Variants in CDH4 observed in about 807,000 individuals in gnomAD.
CDH4 encodes the protein cadherin 4.
CDH4 carries 33 observed loss-of-function variants against 86.0 expected under a neutral mutation model. That is an observed-to-expected ratio of 0.38 (90% CI 0.29 to 0.51). CDH4 has a LOEUF of 0.51. CDH4 is among the 20% of genes least tolerant of loss of function. The pLI is 0.86. For synonymous variants in CDH4, 555 were observed against 549.4 expected, an observed-to-expected ratio of 1.01 and a Z score of -0.14; for missense variants, 1,114 against 1,307.4, an observed-to-expected ratio of 0.85 and a Z score of 2.28.
At chr20:61,827,035 GATACA>G (rs1981358532) in intron 4 of CDH4, among the ~76,000 whole-genome samples, 1 of 151,030 alleles carries the variant, frequency 6.6e-6, no homozygotes, top group Non-Finnish European at 1.5e-5. Context: ...TGTAAAAAAA[GATACA>G]ATAAATAAAA....
At chr20:61,814,351 C>A (rs1980605001) in intron 4 of CDH4, among the ~76,000 whole-genome samples, 1 of 152,332 alleles carries the variant, frequency 6.6e-6, no homozygotes, top group South Asian at 2.1e-4. Flanking sequence ...TTCAGAGACA[C>A]CTGAAGGGCC....
At chr20:61,287,873 C>A (rs138851180) in intron 2 of CDH4, among the ~76,000 whole-genome samples, 2 of 152,128 alleles carry the variant, frequency 1.3e-5, no homozygotes, top group African/African-American at 4.8e-5. Context: ...AGCCTGAAGC[C>A]GGGAGGACAA....
chr20:61,711,217 C>T (rs771215022), intron 2 of CDH4, among the ~76,000 whole-genome samples: 1 of 152,176 alleles, frequency 6.6e-6, no homozygotes, highest in African/African-American at 2.4e-5. Flanking sequence ...ACTTCTCCTT[C>T]CTGCCTTCTT....
rs147810745 is a variant in CDH4 at position 61,873,800 on chromosome 20, G to A, written c.950G>A (p.Arg317Gln). Residue 317 changes from arginine to glutamine, a missense_variant, in exon 7 of 16, where the codon CGG (arginine) becomes CAG (glutamine). Coordinates refer to ENST00000614565, the MANE Select transcript of CDH4 (RefSeq NM_001794.5). ...STTANGMVRY[R>Q]IVTQTPQSPS... ...ACGGCCAACGGGATGGTGCGGTACC[G>A]GATCGTGACCCAGACCCCACAGAGC... is the stretch of plus-strand genomic sequence containing the variant. 3.1e-5 allele frequency: 50 copies of A among 1,614,088 alleles called. No individual in the cohort carries two copies. The East Asian group carries it at 4.9e-4, about 16-fold the overall frequency.
At chr20:61,345,100 G>A (rs762500283) in intron 2 of CDH4, among the ~76,000 whole-genome samples, 4 of 152,184 alleles carry the variant, frequency 2.6e-5, no homozygotes, top group South Asian at 2.1e-4. Context: ...TGTCTCTTTC[G>A]ATGGACGATC....
intron 2 of CDH4, among the ~76,000 whole-genome samples, chr20:61,679,085 G>A (rs1022523827): frequency 5.9e-5 from 9 of 152,188 alleles, no homozygotes; most frequent in East Asian, 5.8e-4. Flanking sequence ...CCCAGAGCCC[G>A]GAAGAGCGAA....
At chr20:61,572,824 T>TATGGATGGATGGATGG (rs56253553) in intron 2 of CDH4, among the ~76,000 whole-genome samples, 2 of 146,062 alleles carry the variant, frequency 1.4e-5, no homozygotes, top group African/African-American at 2.6e-5. Flanking sequence ...TTCAGAACAC[T>TATGGATGGATGGATGG]ATGGATGGAT....
chr20:61,885,454 G>A (rs548741465), intron 7 of CDH4, among the ~76,000 whole-genome samples: 19 of 152,264 alleles, frequency 1.2e-4, no homozygotes, highest in African/African-American at 4.1e-4. Flanking sequence ...GTGGTAGTTC[G>A]TGTCTGCGTT....
chr20:61,425,633 A>C (rs1453692167), intron 2 of CDH4, among the ~76,000 whole-genome samples: 8 of 152,258 alleles, frequency 5.3e-5, no homozygotes, highest in Non-Finnish European at 1.5e-5. Context: ...GCGGCAGCGC[A>C]CAGAAACCCG....
intron 2 of CDH4, chr20:61,718,982 AC>A (rs1160646211): frequency 2.1e-6 from 1 of 471,208 alleles, no homozygotes; most frequent in Admixed American, 2.3e-5. Context: ...CCTGCCCTGC[AC>A]CAGATGAAAG....
At chr20:61,633,186 CCTCCATCCATT>C (rs1482951787) in intron 2 of CDH4, among the ~76,000 whole-genome samples, 4 of 151,262 alleles carry the variant, frequency 2.6e-5, no homozygotes, top group South Asian at 2.1e-4. Context: ...ACCCATCCAT[CCTCCATCCATT>C]CATCCATCCT....
intron 2 of CDH4, among the ~76,000 whole-genome samples, chr20:61,334,859 A>T (rs1234726550): frequency 6.6e-6 from 1 of 152,194 alleles, no homozygotes; most frequent in Non-Finnish European, 1.5e-5. Flanking sequence ...ATGGTGCTGG[A>T]TGTGCTGAGA....
chr20:61,759,666 T>TA (rs1333180464), intron 3 of CDH4, among the ~76,000 whole-genome samples: 1 of 152,186 alleles, frequency 6.6e-6, no homozygotes, highest in Non-Finnish European at 1.5e-5. Context: ...AATTTTTTTT[T>TA]TACTATGAAT....
intron 2 of CDH4, among the ~76,000 whole-genome samples, chr20:61,528,721 AT>A (rs2085930914): frequency 6.6e-6 from 1 of 152,184 alleles, no homozygotes; most frequent in East Asian, 1.9e-4. Flanking sequence ...AACAACGATG[AT>A]TTAGATAGGC....
intron 2 of CDH4, among the ~76,000 whole-genome samples, chr20:61,452,729 AT>A (rs550873207): frequency 4.0e-5 from 6 of 151,818 alleles, no homozygotes; most frequent in South Asian, 2.1e-4. Context: ...TTTGTGATGC[AT>A]TTTTTTTTAT....
chr20:61,473,188 C>T (rs968817054), intron 2 of CDH4, among the ~76,000 whole-genome samples: 1 of 152,128 alleles, frequency 6.6e-6, no homozygotes, highest in Admixed American at 6.5e-5. Context: ...GTCAAAATAA[C>T]CTCTTTAGCA....
chr20:61,273,086 A>G (rs1250802963), intron 2 of CDH4, among the ~76,000 whole-genome samples: 6 of 59,650 alleles, frequency 1.0e-4, no homozygotes, highest in African/African-American at 4.3e-4. Context: ...TTGGGGGAGT[A>G]TTGGGGGAGT....
In CDH4 at chr20:61,329,045, G is replaced by A. The variant is rs529945690; in HGVS notation, c.169+74108G>A. Among the ~76,000 whole-genome samples the A allele has an allele frequency of 2.3e-3, 350 of 152,296 alleles. 17 individuals are homozygous for A. The South Asian group carries it at 0.071, about 31-fold the overall frequency. On this transcript the variant is annotated intron_variant, in intron 2 of 15. Transcript: ENST00000614565. ...TTGCAGGATCATCAAACACAAAGCC[G>A]ATTTGATAGTAACATGTTGAGTGTC... is the stretch of plus-strand genomic sequence containing the variant.
At chr20:61,491,004 T>TA (rs2085623086) in intron 2 of CDH4, among the ~76,000 whole-genome samples, 1 of 152,218 alleles carries the variant, frequency 6.6e-6, no homozygotes, top group East Asian at 1.9e-4. Flanking sequence ...CCACACTGGA[T>TA]ACCAAATGTA....
Sources: allele counts gnomAD v4.1 joint callset (sites outside exome capture counted in the v4.1 genomes callset), GRCh38; gene constraint gnomAD v4.1.1; transcripts MANE v1.5; gene names NCBI Gene and HGNC (gene_info 2026-07-23, HGNC 2026-07-21).